The following SLC9A9 variants were observed in gnomAD, a reference collection of about 807,000 sequenced individuals.
The protein encoded by SLC9A9 is sodium/hydrogen exchanger 9.
SLC9A9 carries 62 observed loss-of-function variants against 77.8 expected under a neutral mutation model. That is an observed-to-expected ratio of 0.80 (90% CI 0.65 to 0.98). SLC9A9 has a LOEUF of 0.98. SLC9A9 is among the 50% of genes least tolerant of loss of function. SLC9A9 has a pLI of 0.00. For missense variants in SLC9A9, 775 were observed against 774.9 expected, an observed-to-expected ratio of 1.00 and a Z score of 0.00; for synonymous variants, 320 against 283.5, an observed-to-expected ratio of 1.13 and a Z score of -1.29.
At chr3:143,678,116 G>C (rs1450975945) in intron 5 of SLC9A9, among the ~76,000 whole-genome samples, 1 of 152,056 alleles carries the variant, frequency 6.6e-6, no homozygotes, top group Non-Finnish European at 1.5e-5. Context: ...ATGAGCCACC[G>C]CGCCCAGCCT....
chr3:143,418,564 A>AG (rs2034240265), intron 12 of SLC9A9, among the ~76,000 whole-genome samples: 1 of 152,118 alleles, frequency 6.6e-6, no homozygotes, highest in Admixed American at 6.5e-5. Context: ...GAAGGTGAGG[A>AG]GGCCTGTTGG....
chr3:143,844,133 GTC>G (rs1267978034), intron 1 of SLC9A9, among the ~76,000 whole-genome samples: 7 of 152,142 alleles, frequency 4.6e-5, no homozygotes, highest in Non-Finnish European at 8.8e-5. Context: ...TTGACACAGA[GTC>G]TAGCCAAATG....
At chr3:143,569,925 C>T (rs914772962) in intron 8 of SLC9A9, among the ~76,000 whole-genome samples, 1 of 151,308 alleles carries the variant, frequency 6.6e-6, no homozygotes, top group Non-Finnish European at 1.5e-5. Flanking sequence ...ATCCTCCTGC[C>T]TCAGCCTCCC....
chr3:143,431,240 C>T (rs774158341), intron 12 of SLC9A9, among the ~76,000 whole-genome samples: 16 of 152,118 alleles, frequency 1.1e-4, no homozygotes. Context: ...GGAAGCCTTC[C>T]CTGGAAGAAC....
intron 5 of SLC9A9, among the ~76,000 whole-genome samples, chr3:143,665,725 A>T (rs2039054237): frequency 1.3e-5 from 2 of 152,238 alleles, no homozygotes; most frequent in African/African-American, 4.8e-5. Context: ...TAAACTAGAA[A>T]ATTTAGAAGA....
chr3:143,794,914 C>A, intron 4 of SLC9A9, 87 bp downstream of exon 4: 2 of 1,237,640 alleles, frequency 1.6e-6, no homozygotes, highest in Non-Finnish European at 2.4e-6. Context: ...ATTTTCCCAG[C>A]CAGCAAGAAT....
intron 4 of SLC9A9, among the ~76,000 whole-genome samples, chr3:143,755,825 A>ATGTG (rs139562310): frequency 1.3e-5 from 2 of 151,182 alleles, no homozygotes; most frequent in African/African-American, 2.4e-5. Flanking sequence ...GTACAAATGC[A>ATGTG]TGTGTGTGTG....
At chr3:143,417,293 A>G (rs2034212934) in intron 12 of SLC9A9, among the ~76,000 whole-genome samples, 1 of 152,134 alleles carries the variant, frequency 6.6e-6, no homozygotes, top group African/African-American at 2.4e-5. Flanking sequence ...TGCCCCTACT[A>G]TGGACTGAAA....
At chr3:143,770,674 A>T (rs946253369) in intron 4 of SLC9A9, among the ~76,000 whole-genome samples, 2 of 152,190 alleles carry the variant, frequency 1.3e-5, no homozygotes, top group African/African-American at 2.4e-5. Flanking sequence ...TCTGAGAAAG[A>T]TCTAAACCCT....
chr3:143,299,833 A>G (rs1490051514), intron 14 of SLC9A9, among the ~76,000 whole-genome samples: 3 of 152,200 alleles, frequency 2.0e-5, no homozygotes, highest in East Asian at 3.8e-4. Flanking sequence ...GGGAGGAGGC[A>G]TGCAGGCAGT....
intron 4 of SLC9A9, among the ~76,000 whole-genome samples, chr3:143,702,834 G>T (rs1249992218): frequency 6.6e-6 from 1 of 151,726 alleles, no homozygotes; most frequent in African/African-American, 2.4e-5. Flanking sequence ...TAATAAACAC[G>T]CTTCACCTAT....
chr3:143,695,897 A>G (rs1426179129), intron 4 of SLC9A9, among the ~76,000 whole-genome samples: 1 of 152,142 alleles, frequency 6.6e-6, no homozygotes, highest in Non-Finnish European at 1.5e-5. Flanking sequence ...CATTTCTCTA[A>G]TGACCAGTGA....
intron 2 of SLC9A9, among the ~76,000 whole-genome samples, chr3:143,805,573 G>A (rs540941229): frequency 5.3e-5 from 8 of 152,252 alleles, no homozygotes; most frequent in South Asian, 4.1e-4. Flanking sequence ...CACAAAAGAA[G>A]TGAAAATGGC....
chr3:143,780,100 A>G (rs571563116), intron 4 of SLC9A9, among the ~76,000 whole-genome samples: 1 of 152,326 alleles, frequency 6.6e-6, no homozygotes, highest in African/African-American at 2.4e-5. Flanking sequence ...TAGAATAGAT[A>G]CCTTTTTGCT....
At chr3:143,612,265 A>T (rs2038035385) in intron 6 of SLC9A9, among the ~76,000 whole-genome samples, 1 of 152,226 alleles carries the variant, frequency 6.6e-6, no homozygotes, top group Non-Finnish European at 1.5e-5. Flanking sequence ...TTGCATTTTC[A>T]ACCTTTTTCT....
At chr3:143,672,837 A>C (rs1237336468) in intron 5 of SLC9A9, among the ~76,000 whole-genome samples, 3 of 152,254 alleles carry the variant, frequency 2.0e-5, no homozygotes, top group Non-Finnish European at 4.4e-5. Context: ...CCTTTAAAAA[A>C]TATGCTGTGC....
At chr3:143,780,728 G>T (rs993748397) in intron 4 of SLC9A9, among the ~76,000 whole-genome samples, 6 of 152,132 alleles carry the variant, frequency 3.9e-5, no homozygotes, top group African/African-American at 1.4e-4. Flanking sequence ...GGGATGACTG[G>T]TCAACCAAGA....
chr3:143,590,577 A>C (rs1299442858), intron 6 of SLC9A9, among the ~76,000 whole-genome samples: 1 of 152,222 alleles, frequency 6.6e-6, no homozygotes, highest in Non-Finnish European at 1.5e-5. Flanking sequence ...AGTATCAAAC[A>C]AGGGGATGCA....
At chr3:143,478,179 G>A (rs569096074) in intron 11 of SLC9A9, among the ~76,000 whole-genome samples, 6 of 152,230 alleles carry the variant, frequency 3.9e-5, no homozygotes, top group Non-Finnish European at 8.8e-5. Flanking sequence ...TGTTAAGGAA[G>A]GGTAGCTCAC....
Sources: gnomAD v4.1 joint callset for allele counts (sites outside exome capture counted in the v4.1 genomes callset) on GRCh38, gnomAD v4.1.1 for gene constraint, MANE v1.5 for transcripts, NCBI Gene and HGNC (gene_info 2026-07-23, HGNC 2026-07-21) for gene names.